NAV3: variants seen among roughly 807,000 people sequenced by gnomAD.
NAV3 encodes the protein neuron navigator 3, also known as pore membrane and/or filament interacting like protein 1.
Under a neutral mutation model 244.7 loss-of-function variants are expected in NAV3, and 87 were observed. That is an observed-to-expected ratio of 0.36 (90% CI 0.30 to 0.42). NAV3 has a LOEUF of 0.42. Ranked by LOEUF, NAV3 falls within the 20% of genes least tolerant of loss-of-function variation. The pLI is 1.00. For synonymous variants in NAV3, 1,126 were observed against 1,042.2 expected (o/e 1.08, Z -1.55); for missense variants, 2,663 against 2,893.3 (o/e 0.92, Z 1.83).
At chr12:78,141,428 T>C (rs1247275759) in intron 20 of NAV3, among the ~76,000 whole-genome samples, 1 of 152,202 alleles carries the variant, frequency 6.6e-6, no homozygotes, top group Non-Finnish European at 1.5e-5. Context: ...TTGAGTACTA[T>C]GAATAAGCCT....
At chr12:77,944,410 AT>A (rs1021519873) in intron 3 of NAV3, among the ~76,000 whole-genome samples, 33 of 152,270 alleles carry the variant, frequency 2.2e-4, no homozygotes, top group African/African-American at 7.9e-4. Context: ...AATGGCCCCA[AT>A]TTTTTAGCCT....
At chr12:78,110,512 T>A (rs577789582) in intron 12 of NAV3, among the ~76,000 whole-genome samples, 1 of 152,112 alleles carries the variant, frequency 6.6e-6, no homozygotes, top group South Asian at 2.1e-4. Context: ...TGGTCCTGAC[T>A]TAATCACTAT....
chr12:78,171,324 C>T (rs1436670430), intron 24 of NAV3, among the ~76,000 whole-genome samples: 1 of 151,652 alleles, frequency 6.6e-6, no homozygotes, highest in Non-Finnish European at 1.5e-5. Flanking sequence ...TTAATCCTTA[C>T]TTTAACACAG....
chr12:78,110,834 G>T (rs952416289), intron 12 of NAV3, among the ~76,000 whole-genome samples: 1 of 151,996 alleles, frequency 6.6e-6, no homozygotes, highest in Admixed American at 6.6e-5. Context: ...AAGACTATCT[G>T]CCATTAAAAA....
At chr12:77,718,727 G>T (rs758604183) in intron 2 of NAV3, among the ~76,000 whole-genome samples, 12 of 151,830 alleles carry the variant, frequency 7.9e-5, no homozygotes, top group Non-Finnish European at 1.8e-4. Flanking sequence ...GCATGATCTC[G>T]GCTCACTGCA....
chr12:77,850,629 T>A (rs975737899), intron 1 of NAV3, among the ~76,000 whole-genome samples: 11 of 152,200 alleles, frequency 7.2e-5, no homozygotes, highest in Admixed American at 5.2e-4. Context: ...GATTAGTAAA[T>A]TTCAAGGTCA....
At chr12:77,584,387 T>C (rs1404090071) in intron 2 of NAV3, among the ~76,000 whole-genome samples, 1 of 152,126 alleles carries the variant, frequency 6.6e-6, no homozygotes, top group East Asian at 1.9e-4. Flanking sequence ...AGCTAAACAC[T>C]GAGCTTGCTC....
chr12:77,905,233 G>A (rs1885841057), intron 1 of NAV3, among the ~76,000 whole-genome samples: 1 of 151,994 alleles, frequency 6.6e-6, no homozygotes, highest in Admixed American at 6.6e-5. Context: ...AATTGCTTTG[G>A]GGGAAACACA....
chr12:78,095,872 A>G (rs1272086825), intron 12 of NAV3, among the ~76,000 whole-genome samples: 1 of 152,206 alleles, frequency 6.6e-6, no homozygotes, highest in Non-Finnish European at 1.5e-5. Context: ...GTCTAGCTGA[A>G]ATCCAGATGA....
At chr12:77,900,030 G>A (rs1444806103) in intron 1 of NAV3, among the ~76,000 whole-genome samples, 1 of 151,182 alleles carries the variant, frequency 6.6e-6, no homozygotes, top group Non-Finnish European at 1.5e-5. Flanking sequence ...TCTTGCCCCT[G>A]TCCCTCTCTC....
chr12:78,210,253 G>A (rs1960765068), intron 39 of NAV3, 145 bp from the exon 40 acceptor site: 7 of 1,263,058 alleles, frequency 5.5e-6, no homozygotes, highest in Non-Finnish European at 7.6e-6. Flanking sequence ...GGAGCCAGGG[G>A]CAACGAGTAA....
intron 1 of NAV3, among the ~76,000 whole-genome samples, chr12:77,850,679 T>A (rs983966730): frequency 6.6e-6 from 1 of 152,156 alleles, no homozygotes; most frequent in Non-Finnish European, 1.5e-5. Flanking sequence ...TCTATGAAGT[T>A]TCTCTCTTTC....
intron 3 of NAV3, among the ~76,000 whole-genome samples, chr12:77,951,928 G>A (rs1890929666): frequency 1.3e-5 from 2 of 152,198 alleles, no homozygotes; most frequent in Middle Eastern, 6.8e-3. Flanking sequence ...TGGGGCAGGG[G>A]GAGAGGGGAG....
intron 38 of NAV3, among the ~76,000 whole-genome samples, chr12:78,204,730 T>C (rs963937828): frequency 1.3e-5 from 2 of 152,134 alleles, no homozygotes; most frequent in African/African-American, 4.8e-5. Flanking sequence ...ATATTCAGCT[T>C]CATTTTGTCT....
intron 1 of NAV3, among the ~76,000 whole-genome samples, chr12:77,848,960 G>A (rs1014008846): frequency 1.3e-5 from 2 of 152,130 alleles, no homozygotes; most frequent in African/African-American, 2.4e-5. Flanking sequence ...GTCAGTCAAA[G>A]TTTATAGTTC....
chr12:77,674,013 A>G (rs1159332740), intron 2 of NAV3, among the ~76,000 whole-genome samples: 2 of 151,312 alleles, frequency 1.3e-5, no homozygotes, highest in Non-Finnish European at 2.9e-5. Context: ...TCAAACTAAT[A>G]TCCCAGGTCA....
Position 77,770,545 on chromosome 12 carries a change from G to T in NAV3, c.73-169774G>T, listed in dbSNP as rs187214768. 1.5e-3 allele frequency among the ~76,000 whole-genome samples: 232 copies of T among 152,284 alleles called. 1 individual carries two copies. The Middle Eastern group carries it at 0.024, about 16-fold the overall frequency. On this transcript the variant is annotated intron_variant, in intron 2 of 8. Coordinates refer to the NAV3 transcript ENST00000550042. ...TCAGAAAGCTGAATGTGCCTTAGAGGCAGCTTGCCCCAGTGGTTGCCAAGA... is the reference window on the plus strand; with the variant it reads ...TCAGAAAGCTGAATGTGCCTTAGAGTCAGCTTGCCCCAGTGGTTGCCAAGA...
intron 3 of NAV3, among the ~76,000 whole-genome samples, chr12:77,962,899 C>T (rs1242867273): frequency 6.6e-6 from 1 of 152,020 alleles, no homozygotes; most frequent in Non-Finnish European, 1.5e-5. Flanking sequence ...TTGTGCTATT[C>T]AATTTATTTC....
intron 2 of NAV3, among the ~76,000 whole-genome samples, chr12:77,626,536 A>G (rs375773978): frequency 6.6e-6 from 1 of 152,156 alleles, no homozygotes; most frequent in African/African-American, 2.4e-5. Context: ...GAGAATTCTA[A>G]AAACAGCAAG....
Sources: gnomAD v4.1 joint callset for allele counts (sites outside exome capture counted in the v4.1 genomes callset) on GRCh38, gnomAD v4.1.1 for gene constraint, MANE v1.5 for transcripts, NCBI Gene and HGNC (gene_info 2026-07-23, HGNC 2026-07-21) for gene names.